The following IL1RAPL1 variants were observed in gnomAD, a reference collection of about 807,000 sequenced individuals.
IL1RAPL1 encodes the protein interleukin 1 receptor accessory protein like 1.
Under a neutral mutation model 48.4 loss-of-function variants are expected in IL1RAPL1, and 3 were observed. The observed-to-expected ratio is 0.06, with a 90% CI of 0.03 to 0.16. The LOEUF is 0.16. Ranked by LOEUF, IL1RAPL1 falls within the 10% of genes least tolerant of loss-of-function variation. IL1RAPL1 has a pLI of 1.00. For synonymous variants in IL1RAPL1, 185 were observed against 187.7 expected, an observed-to-expected ratio of 0.99 and a Z score of 0.12; for missense variants, 349 against 530.6, an observed-to-expected ratio of 0.66 and a Z score of 3.36.
intron 6 of IL1RAPL1, among the ~76,000 whole-genome samples, chrX:29,803,502 T>C (rs965591136): frequency 4.3e-5 from 4 of 93,417 alleles, no homozygotes; most frequent in Admixed American, 1.2e-4. Context: ...TATGTATACA[T>C]ATGTGTATAT....
chrX:29,167,455 T>C (rs1344602066), intron 2 of IL1RAPL1, among the ~76,000 whole-genome samples: 2 of 109,647 alleles, frequency 1.8e-5, no homozygotes, highest in Non-Finnish European at 3.8e-5. Context: ...TTTCCTTCTA[T>C]TTAATAAAAG....
intron 1 of IL1RAPL1, among the ~76,000 whole-genome samples, chrX:28,625,639 G>A (rs190766208): frequency 3.6e-5 from 4 of 111,299 alleles, no homozygotes; most frequent in African/African-American, 1.3e-4. Flanking sequence ...TCCTTCAGGG[G>A]CAAGGGGATC....
chrX:29,437,477 G>A (rs1231878704), intron 5 of IL1RAPL1, among the ~76,000 whole-genome samples: 5 of 110,108 alleles, frequency 4.5e-5, no homozygotes, highest in African/African-American at 1.6e-4. Context: ...ACATTTTTTT[G>A]TCTTATTCCT....
intron 5 of IL1RAPL1, among the ~76,000 whole-genome samples, chrX:29,631,272 A>G (rs1045335833): frequency 2.7e-5 from 3 of 111,442 alleles, no homozygotes; most frequent in Admixed American, 9.6e-5. Flanking sequence ...CACCTTATCT[A>G]GAAAAGTTTC....
At chrX:28,657,642 A>G (rs1218914397) in intron 1 of IL1RAPL1, among the ~76,000 whole-genome samples, 1 of 112,185 alleles carries the variant, frequency 8.9e-6, no homozygotes, top group African/African-American at 3.2e-5. Flanking sequence ...GGGCTGTCTG[A>G]CCCCAGTAGG....
intron 2 of IL1RAPL1, among the ~76,000 whole-genome samples, chrX:28,907,215 G>T (rs1277463092): frequency 9.0e-6 from 1 of 111,418 alleles, no homozygotes; most frequent in African/African-American, 3.3e-5. Flanking sequence ...TTAGTCTCTT[G>T]TTGTAGCGGA....
chrX:29,468,880 G>A (rs1269429466), intron 5 of IL1RAPL1, among the ~76,000 whole-genome samples: 1 of 111,687 alleles, frequency 9.0e-6, no homozygotes, highest in Non-Finnish European at 1.9e-5. Flanking sequence ...TCCATCAGGG[G>A]TTCTCAGAAG....
At chrX:28,985,786 A>T (rs1013230698) in intron 2 of IL1RAPL1, among the ~76,000 whole-genome samples, 2 of 107,969 alleles carry the variant, frequency 1.9e-5, no homozygotes, top group Non-Finnish European at 3.8e-5. Flanking sequence ...CAGCCTCCCG[A>T]GTAGCTGGGA....
intron 2 of IL1RAPL1, among the ~76,000 whole-genome samples, chrX:29,201,163 TTCTA>T (rs1203246121): frequency 2.7e-5 from 3 of 111,833 alleles, no homozygotes; most frequent in African/African-American, 3.3e-5. Flanking sequence ...GAGTCTATAA[TTCTA>T]TCTTTCATCC....
At chrX:28,838,014 G>A (rs1025046573) in intron 2 of IL1RAPL1, among the ~76,000 whole-genome samples, 1 of 110,689 alleles carries the variant, frequency 9.0e-6, no homozygotes, top group Admixed American at 9.8e-5. Flanking sequence ...TGTAGATTAT[G>A]TATCTTTGAG....
chrX:28,988,803 A>G (rs961911095), intron 2 of IL1RAPL1, among the ~76,000 whole-genome samples: 2 of 112,216 alleles, frequency 1.8e-5, no homozygotes, highest in Non-Finnish European at 3.8e-5. Flanking sequence ...TGATATTACA[A>G]TATCTCTTAT....
chrX:29,786,932 G>C (rs931538871), intron 6 of IL1RAPL1, among the ~76,000 whole-genome samples: 3 of 111,713 alleles, frequency 2.7e-5, no homozygotes, highest in African/African-American at 9.8e-5. Context: ...ATAAGGCAGG[G>C]ATCGGGTGAA....
chrX:29,566,711 T>C (rs192383138), intron 5 of IL1RAPL1, among the ~76,000 whole-genome samples: 183 of 112,546 alleles, frequency 1.6e-3, no homozygotes, highest in Non-Finnish European at 2.9e-3. Context: ...ATGAGTAAAC[T>C]AAATAAAGTA....
At chrX:29,546,540 G>T (rs763034441) in intron 5 of IL1RAPL1, among the ~76,000 whole-genome samples, 2 of 111,590 alleles carry the variant, frequency 1.8e-5, no homozygotes, top group South Asian at 7.5e-4. Flanking sequence ...AGCTAAGATA[G>T]CCAGGCACAT....
At chrX:29,867,367 G>A (rs1433414397) in intron 6 of IL1RAPL1, among the ~76,000 whole-genome samples, 1 of 111,409 alleles carries the variant, frequency 9.0e-6, no homozygotes, top group African/African-American at 3.3e-5. Context: ...GGGGCCTTTT[G>A]GAGGTGATTA....
intron 3 of IL1RAPL1, among the ~76,000 whole-genome samples, chrX:29,318,200 T>C (rs1932776832): frequency 8.9e-6 from 1 of 112,291 alleles, no homozygotes; most frequent in Non-Finnish European, 1.9e-5. Flanking sequence ...TGTGGACTTT[T>C]ATGTGCCAAG....
At chrX:29,242,725 G>A (rs1931444119) in intron 2 of IL1RAPL1, among the ~76,000 whole-genome samples, 1 of 111,477 alleles carries the variant, frequency 9.0e-6, no homozygotes, top group Non-Finnish European at 1.9e-5. Flanking sequence ...TTTAATATGG[G>A]CCAGCCTTTT....
intron 6 of IL1RAPL1, among the ~76,000 whole-genome samples, chrX:29,714,378 A>C (rs1927428926): frequency 1.8e-5 from 2 of 112,176 alleles, no homozygotes; most frequent in Admixed American, 1.9e-4. Context: ...CAGCCAATTC[A>C]ATCTCATTTC....
At chrX:28,806,395 C>T (rs1427387992) in intron 2 of IL1RAPL1, among the ~76,000 whole-genome samples, 1 of 111,534 alleles carries the variant, frequency 9.0e-6, no homozygotes, top group African/African-American at 3.3e-5. Context: ...GCAGCTTTTG[C>T]CTCCTTCTTA....
Sources: gnomAD v4.1 joint callset for allele counts (sites outside exome capture counted in the v4.1 genomes callset) on GRCh38, gnomAD v4.1.1 for gene constraint, MANE v1.5 for transcripts, NCBI Gene and HGNC (gene_info 2026-07-23, HGNC 2026-07-21) for gene names.